Variants in RBFOX1 observed in about 807,000 individuals in gnomAD.
RBFOX1 encodes RNA binding protein fox-1 homolog 1.
RBFOX1 carries 8 observed loss-of-function variants against 57.7 expected under a neutral mutation model. The observed-to-expected ratio is 0.14, with a 90% CI of 0.08 to 0.25. RBFOX1 has a LOEUF of 0.25. Ranked by LOEUF, RBFOX1 falls within the 10% of genes least tolerant of loss-of-function variation. RBFOX1 has a pLI of 1.00. For synonymous variants in RBFOX1, 326 were observed against 222.4 expected (o/e 1.47, Z -4.15); for missense variants, 611 against 548.5 (o/e 1.11, Z -1.14).
intron 2 of RBFOX1, among the ~76,000 whole-genome samples, chr16:5,578,562 A>G (rs891982275): frequency 6.6e-6 from 1 of 152,202 alleles, no homozygotes; most frequent in Non-Finnish European, 1.5e-5. Flanking sequence ...GAGATCAGGT[A>G]CTTCCTGCAA....
intron 3 of RBFOX1, among the ~76,000 whole-genome samples, chr16:5,857,298 A>G (rs137993488): frequency 1.4e-3 from 214 of 152,300 alleles, no homozygotes; most frequent in African/African-American, 5.0e-3. Context: ...CAATAGCAGT[A>G]TCAAAGATCA....
intron 4 of RBFOX1, among the ~76,000 whole-genome samples, chr16:7,198,068 C>G (rs1243858756): frequency 8.1e-6 from 1 of 123,816 alleles, no homozygotes; most frequent in Non-Finnish European, 1.6e-5. Flanking sequence ...TGCCGTGGAG[C>G]GATCTCGGCT....
At chr16:5,467,239 C>A (rs1052131795) in exon 2 of RBFOX1, 2 of 1,501,404 alleles carry the variant, frequency 1.3e-6, no homozygotes, top group Admixed American at 2.0e-5. Context: ...TGCCATACAG[C>A]CTGGTTGAGG....
At chr16:6,104,737 G>C (rs574966361) in intron 1 of RBFOX1, among the ~76,000 whole-genome samples, 1 of 152,116 alleles carries the variant, frequency 6.6e-6, no homozygotes, top group East Asian at 1.9e-4. Context: ...CAAACAAAGA[G>C]ATAAAACAAA....
At chr16:7,332,686 C>G (rs2096714182) in intron 4 of RBFOX1, 2 of 861,692 alleles carry the variant, frequency 2.3e-6, no homozygotes, top group Non-Finnish European at 3.0e-6. Flanking sequence ...CTCTCTCTCT[C>G]TGAGAACTAA....
intron 9 of RBFOX1, among the ~76,000 whole-genome samples, chr16:7,603,132 C>G (rs989654078): frequency 2.6e-5 from 4 of 152,146 alleles, no homozygotes; most frequent in African/African-American, 9.7e-5. Context: ...GTAATTTCAA[C>G]TAAGCAACCG....
chr16:7,486,955 A>G (rs2030024144), intron 4 of RBFOX1, among the ~76,000 whole-genome samples: 1 of 152,190 alleles, frequency 6.6e-6, no homozygotes, highest in Admixed American at 6.5e-5. Context: ...TCTGGAGTAC[A>G]GTGGCACAAT....
chr16:6,981,042 C>CAAAAAAA lies in RBFOX1; in HGVS notation c.-15-71004_-15-70998dup, dbSNP rs36117809. Among the ~76,000 whole-genome samples, 72 of 77,430 alleles carry CAAAAAAA rather than the reference C, an allele frequency of 9.3e-4. 6 individuals carry two copies. Among genetic ancestry groups the CAAAAAAA allele is most frequent in the South Asian group, 3.5e-3 (6 of 1,716 alleles). 50.8% of individuals were successfully genotyped at this position (77,430 alleles called of 152,430 possible). ...TGGGTGGCAGAGCAAGTCTCAGTCTCAAAAAAAAAAAAAAAAACACTAAAA... is the reference window on the plus strand; with the variant it reads ...TGGGTGGCAGAGCAAGTCTCAGTCTCAAAAAAAAAAAAAAAAAAAAAAAACACTAAAA... On this transcript the variant is annotated intron_variant, in intron 3 of 15. Transcript: ENST00000550418.
At chr16:6,611,940 G>A (rs980409338) in intron 2 of RBFOX1, among the ~76,000 whole-genome samples, 2 of 152,116 alleles carry the variant, frequency 1.3e-5, no homozygotes, top group Non-Finnish European at 2.9e-5. Flanking sequence ...AGCTTCTGCA[G>A]TCACCTCTTC....
chr16:6,054,319 AATAATAT>A (rs529593206), intron 1 of RBFOX1, among the ~76,000 whole-genome samples: 69 of 152,326 alleles, frequency 4.5e-4, no homozygotes, highest in South Asian at 1.0e-3. Flanking sequence ...GTTCAACATA[AATAATAT>A]ATAAGTAATA....
At chr16:7,654,845 C>A (rs888894826) in intron 12 of RBFOX1, among the ~76,000 whole-genome samples, 2 of 152,132 alleles carry the variant, frequency 1.3e-5, no homozygotes, top group Non-Finnish European at 2.9e-5. Context: ...GATGCTATGT[C>A]CTCTATTGGG....
chr16:7,187,688 CACAAAAA>C lies in RBFOX1; in HGVS notation c.27+135592_27+135598del, dbSNP rs1367820209. Among the ~76,000 whole-genome samples the C allele has an allele frequency of 7.3e-3, 316 of 43,136 alleles. 1 individual carries two copies. The highest frequency in any genetic ancestry group is 0.022 in the African/African-American group (296 of 13,360). 28.3% of individuals were successfully genotyped at this position (43,136 alleles called of 152,430 possible). ...TGGGCAACAGAATGAGACTCTGTCT[CACAAAAA>C]AAAAAAAAAAAAAAAAAAAAAAAAA... On this transcript the variant is annotated intron_variant, in intron 4 of 15. Transcript: ENST00000550418.
intron 2 of RBFOX1, among the ~76,000 whole-genome samples, chr16:6,519,888 T>C (rs544294500): frequency 1.8e-4 from 27 of 152,276 alleles, no homozygotes; most frequent in South Asian, 1.0e-3. Context: ...GCAACTGATA[T>C]ATACCAGAAC....
chr16:6,987,128 G>A (rs539477857), intron 3 of RBFOX1, among the ~76,000 whole-genome samples: 1 of 152,142 alleles, frequency 6.6e-6, no homozygotes, highest in East Asian at 1.9e-4. Context: ...GGGTGTAGTG[G>A]GCCTAATAAT....
At chr16:6,636,829 TATATATAATATATA>T (rs1278187717) in intron 2 of RBFOX1, among the ~76,000 whole-genome samples, 1 of 36,570 alleles carries the variant, frequency 2.7e-5, no homozygotes, top group South Asian at 1.4e-3. Flanking sequence ...TAATATATGT[TATATATAATATATA>T]ATATATATAA....
intron 1 of RBFOX1, among the ~76,000 whole-genome samples, chr16:5,254,855 A>G (rs1216650061): frequency 1.3e-5 from 2 of 152,208 alleles, no homozygotes; most frequent in Non-Finnish European, 2.9e-5. Flanking sequence ...CTTTGAGCTG[A>G]AGGTCATGTG....
In RBFOX1 at chr16:6,386,034, C is replaced by T. The variant is rs190198470; in HGVS notation, c.-64+68977C>T. ...CACTGCAAGCTCCGCCTCCCGGGTTCACACCATTCTCCTGCCTCAGCCTCC... is the reference window on the plus strand; with the variant it reads ...CACTGCAAGCTCCGCCTCCCGGGTTTACACCATTCTCCTGCCTCAGCCTCC... On this transcript the variant is annotated intron_variant, in intron 2 of 15. Transcript: ENST00000550418. Among the ~76,000 whole-genome samples, 298 of 151,598 alleles carry T rather than the reference C, an allele frequency of 2.0e-3. 6 individuals carry two copies. Among genetic ancestry groups the T allele is most frequent in the Admixed American group, 0.014 (214 of 15,230 alleles).
chr16:6,796,682 C>G (rs1339948981), intron 3 of RBFOX1, among the ~76,000 whole-genome samples: 10 of 152,002 alleles, frequency 6.6e-5, no homozygotes, highest in South Asian at 2.1e-4. Context: ...CAGATGTTAC[C>G]AATTGGTAAG....
chr16:5,482,944 G>A (rs1283327434), intron 2 of RBFOX1, among the ~76,000 whole-genome samples: 1 of 152,188 alleles, frequency 6.6e-6, no homozygotes, highest in Admixed American at 6.5e-5. Flanking sequence ...GCAGCTTATG[G>A]GTTAGAAGTC....
Sources: gnomAD v4.1 joint callset for allele counts (sites outside exome capture counted in the v4.1 genomes callset) on GRCh38, gnomAD v4.1.1 for gene constraint, MANE v1.5 for transcripts, NCBI Gene and HGNC (gene_info 2026-07-23, HGNC 2026-07-21) for gene names.